SYT16: variants seen among roughly 807,000 people sequenced by gnomAD.
SYT16 encodes synaptotagmin 16.
A neutral mutation model predicts 61.4 loss-of-function variants in SYT16; 42 were observed. The observed-to-expected ratio is 0.68, with a 90% CI of 0.53 to 0.89. The LOEUF is 0.89. SYT16 is among the 40% of genes least tolerant of loss of function. The pLI is 0.00. For synonymous variants in SYT16, 314 were observed against 302.3 expected, an observed-to-expected ratio of 1.04 and a Z score of -0.40; for missense variants, 804 against 807.3, an observed-to-expected ratio of 1.00 and a Z score of 0.05.
chr14:61,974,065 G>A (rs1359640323), intron 2 of SYT16, among the ~76,000 whole-genome samples: 1 of 152,202 alleles, frequency 6.6e-6, no homozygotes, highest in Non-Finnish European at 1.5e-5. Flanking sequence ...CTGGGGGGCT[G>A]TGGTGGGGCA....
chr14:61,866,778 A>T (rs2047169603), intron 1 of SYT16, among the ~76,000 whole-genome samples: 1 of 151,912 alleles, frequency 6.6e-6, no homozygotes, highest in African/African-American at 2.4e-5. Flanking sequence ...AAATCCAATT[A>T]TTTTTTCTTT....
In SYT16 at chr14:62,104,623, A is replaced by T. The variant is rs2057481693; in HGVS notation, c.*3916A>T. 1 of 152,226 alleles carries T rather than the reference A, an allele frequency of 6.6e-6. No homozygotes were observed. Among genetic ancestry groups the T allele is most frequent in the Non-Finnish European group, 1.5e-5 (1 of 68,032 alleles). The allele number at this position is 152,226 out of a possible 1,614,324, so 9.4% of individuals were successfully genotyped here. A position where few individuals can be genotyped will look rare whatever the true frequency, so the allele number is the denominator to read the frequency against. On this transcript the variant is annotated 3_prime_UTR_variant, in exon 8 of 8. Coordinates refer to ENST00000683842, the MANE Select transcript of SYT16 (RefSeq NM_001367656.1). ...CAGATCAACTAGCTATCACTTTTCT[A>T]AAACTTGTAGAATTCTGAAAAATAT...
intron 1 of SYT16, among the ~76,000 whole-genome samples, chr14:61,862,371 G>A (rs1201807375): frequency 2.0e-5 from 3 of 152,158 alleles, no homozygotes; most frequent in East Asian, 1.9e-4. Context: ...CATATCATAT[G>A]TCATCCTTTG....
intron 1 of SYT16, among the ~76,000 whole-genome samples, chr14:61,928,006 C>T (rs1457246025): frequency 6.6e-6 from 1 of 152,250 alleles, no homozygotes; most frequent in East Asian, 1.9e-4. Flanking sequence ...CTCAGGCTAA[C>T]TTTGATATTC....
At chr14:61,892,733 G>A (rs149050406) in intron 1 of SYT16, among the ~76,000 whole-genome samples, 41 of 152,270 alleles carry the variant, frequency 2.7e-4, no homozygotes, top group African/African-American at 9.1e-4. Context: ...TGAAGTTCAG[G>A]TACATCAGAG....
intron 1 of SYT16, among the ~76,000 whole-genome samples, chr14:61,823,894 G>C (rs1016028685): frequency 6.6e-6 from 1 of 152,192 alleles, no homozygotes; most frequent in Non-Finnish European, 1.5e-5. Context: ...AAAATATGAA[G>C]CTATTCTCAA....
chr14:61,955,839 A>G (rs774091459), intron 1 of SYT16, among the ~76,000 whole-genome samples: 18 of 152,020 alleles, frequency 1.2e-4, no homozygotes, highest in African/African-American at 4.1e-4. Flanking sequence ...TGGTAATTCT[A>G]TGGTTAATTT....
At chr14:61,987,571 G>A (rs951632206) in intron 2 of SYT16, among the ~76,000 whole-genome samples, 1 of 152,120 alleles carries the variant, frequency 6.6e-6, no homozygotes, top group East Asian at 1.9e-4. Context: ...TTAGATGAAA[G>A]AATGGGTAGG....
At chr14:61,889,615 CCTCT>C (rs368518193) in intron 1 of SYT16, among the ~76,000 whole-genome samples, 5 of 150,644 alleles carry the variant, frequency 3.3e-5, no homozygotes, top group African/African-American at 1.2e-4. Context: ...TGTCTCCCTC[CCTCT>C]CTCTCTCTCC....
chr14:62,065,575 T>A (rs553312400), intron 3 of SYT16, among the ~76,000 whole-genome samples: 7 of 152,322 alleles, frequency 4.6e-5, no homozygotes, highest in South Asian at 2.1e-4. Flanking sequence ...AAGATATCCA[T>A]GCATTGGCTA....
chr14:61,986,441 AAATT>A lies in SYT16; in HGVS notation c.-144-9434_-144-9431del, dbSNP rs2052316861. On this transcript the variant is annotated intron_variant, in intron 2 of 7. Coordinates refer to ENST00000683842, the MANE Select transcript of SYT16 (RefSeq NM_001367656.1). ...GGTACTTTTTTATTTTTTATTTAAA[AAATT>A]TATATATATATATATTTTTATTATA... 4.0e-5 allele frequency among the ~76,000 whole-genome samples: 6 copies of A among 149,702 alleles called. No individual in the cohort carries two copies. The South Asian group carries it at 1.3e-3, about 31-fold the overall frequency.
At chr14:61,891,739 C>CCTACTGAATAAGTCAGCTGGT (rs1190075479) in intron 1 of SYT16, among the ~76,000 whole-genome samples, 1 of 152,116 alleles carries the variant, frequency 6.6e-6, no homozygotes, top group East Asian at 1.9e-4. Flanking sequence ...AGGCTAGGAT[C>CCTACTGAATAAGTCAGCTGGT]CTACTGAATA....
intron 1 of SYT16, among the ~76,000 whole-genome samples, chr14:61,818,047 T>C (rs2045497131): frequency 6.6e-6 from 1 of 152,246 alleles, no homozygotes; most frequent in Admixed American, 6.5e-5. Context: ...CTTTATGGTC[T>C]AATACTATTG....
Position 62,112,326 on chromosome 14 carries a change from T to A in SYT16, c.*11619T>A, listed in dbSNP as rs191039304. On this transcript the variant is annotated 3_prime_UTR_variant, in exon 8 of 8. Coordinates refer to ENST00000683842, the MANE Select transcript of SYT16 (RefSeq NM_001367656.1). ...CACAGTGATGTTGGAAAGCATATTT[T>A]ATGCAGTCTAAACACTATTTCTGTA... is the stretch of plus-strand genomic sequence containing the variant. The A allele has an allele frequency of 4.1e-4, 63 of 152,308 alleles. No individual in the cohort carries two copies. Among genetic ancestry groups the A allele is most frequent in the Non-Finnish European group, 8.1e-4 (55 of 68,002 alleles). 9.4% of individuals were successfully genotyped at this position (152,308 alleles called of 1,614,324 possible). A position where few individuals can be genotyped will look rare whatever the true frequency, so the allele number is the denominator to read the frequency against.
intron 3 of SYT16, among the ~76,000 whole-genome samples, chr14:62,032,649 T>C (rs2054352552): frequency 6.6e-6 from 1 of 151,958 alleles, no homozygotes; most frequent in Admixed American, 6.6e-5. Context: ...AGCAAAACTC[T>C]CATCCGGAAG....
intron 1 of SYT16, among the ~76,000 whole-genome samples, chr14:61,901,941 T>C (rs2048537461): frequency 6.6e-6 from 1 of 152,022 alleles, no homozygotes; most frequent in African/African-American, 2.4e-5. Flanking sequence ...TTTATATTTT[T>C]AGTAGAGACA....
intron 1 of SYT16, among the ~76,000 whole-genome samples, chr14:61,845,290 G>A (rs1312926748): frequency 6.6e-6 from 1 of 151,710 alleles, no homozygotes; most frequent in Admixed American, 6.6e-5. Flanking sequence ...CTCGTGATTC[G>A]CCTGCCTCAG....
chr14:61,941,634 A>AT (rs1290717570), intron 1 of SYT16, among the ~76,000 whole-genome samples: 1 of 151,806 alleles, frequency 6.6e-6, no homozygotes, highest in Admixed American at 6.6e-5. Flanking sequence ...AAGTCCACTC[A>AT]TTTTTTCCCC....
intron 1 of SYT16, among the ~76,000 whole-genome samples, chr14:61,890,553 A>ACTTCTTTTTAAAAGAAGCTCTTTTGAG (rs1307458734): frequency 6.8e-4 from 103 of 150,750 alleles, no homozygotes; most frequent in Non-Finnish European, 1.2e-3. Flanking sequence ...AACAATTTTT[A>ACTTCTTTTTAAAAGAAGCTCTTTTGAG]CTTCTTTTTA....
Sources: gnomAD v4.1 joint callset for allele counts (sites outside exome capture counted in the v4.1 genomes callset) on GRCh38, gnomAD v4.1.1 for gene constraint, MANE v1.5 for transcripts, NCBI Gene and HGNC (gene_info 2026-07-23, HGNC 2026-07-21) for gene names.